The following S100PBP variants were observed in gnomAD, a reference collection of about 807,000 sequenced individuals.
The protein encoded by S100PBP is S100P binding protein, also known as S100P-binding protein.
Under a neutral mutation model 39.9 loss-of-function variants are expected in S100PBP, and 15 were observed. The observed-to-expected ratio is 0.38, with a 90% CI of 0.25 to 0.58. The LOEUF (loss-of-function observed/expected upper bound fraction) is 0.58. Among genes scored for constraint, S100PBP ranks in the 20% least tolerant of loss-of-function variants. The pLI is 0.70. For missense variants in S100PBP, 504 were observed against 487.3 expected (o/e 1.03, Z -0.32); for synonymous variants, 178 against 180.3 (o/e 0.99, Z 0.10).
chr1:32,827,427 C>A (rs181196198), intron 3 of S100PBP, among the ~76,000 whole-genome samples: 5 of 152,202 alleles, frequency 3.3e-5, no homozygotes, highest in Admixed American at 6.5e-5. Context: ...TTTATCTAAC[C>A]TTTTTGAGCC....
intron 1 of S100PBP, among the ~76,000 whole-genome samples, chr1:32,824,623 TATG>T (rs1569839312): frequency 6.6e-6 from 1 of 151,360 alleles, no homozygotes; most frequent in Admixed American, 6.6e-5. Context: ...AGTGCAGCGA[TATG>T]ATGACTGCTC....
In S100PBP at chr1:32,826,927, CA is replaced by C; in HGVS notation, c.831del (p.Lys277AsnfsTer12). 2 of 1,558,762 alleles carry C rather than the reference CA, an allele frequency of 1.3e-6. No individual in the cohort carries two copies. The highest frequency in any genetic ancestry group is 1.7e-6 in the Non-Finnish European group (2 of 1,150,930). ...CTCTGGTTGTTTCCACCTCATCAAA[CA>C]AAGTAAGTATATTTTATTCAAGGTG... ...RSLVVSTSSN[K>X]QDVLNKDSGK... On this transcript the variant is annotated frameshift_variant and splice_region_variant, in exon 3 of 7. Transcript: ENST00000373475. LOFTEE classifies it high-confidence loss of function.
chr1:32,830,377 G>A (rs1403922431), intron 5 of S100PBP, among the ~76,000 whole-genome samples: 1 of 152,126 alleles, frequency 6.6e-6, no homozygotes, highest in African/African-American at 2.4e-5. Flanking sequence ...GAAAAATAAC[G>A]GAAGTGGATG....
At chr1:32,855,807 T>C (rs1166770887) in intron 6 of S100PBP, 117 bp from the exon 7 acceptor site, 1 of 588,070 alleles carries the variant, frequency 1.7e-6, no homozygotes. Flanking sequence ...ATAAAATTAA[T>C]ATCTGATTTC....
At chr1:32,829,341 G>C (rs1309657573) in intron 4 of S100PBP, among the ~76,000 whole-genome samples, 1 of 152,158 alleles carries the variant, frequency 6.6e-6, no homozygotes, top group Admixed American at 6.5e-5. Context: ...ACTCTAGAAA[G>C]CTATTTTCTG....
intron 1 of S100PBP, among the ~76,000 whole-genome samples, chr1:32,824,047 A>C (rs1041608982): frequency 1.3e-5 from 2 of 152,210 alleles, no homozygotes; most frequent in African/African-American, 4.8e-5. Flanking sequence ...AAATACAACA[A>C]ATTAGCCGGG....
At chr1:32,836,099 T>G (rs1038814904) in intron 5 of S100PBP, 2 of 152,102 alleles carry the variant, frequency 1.3e-5, no homozygotes, top group Admixed American at 1.3e-4. Flanking sequence ...GAGTTCTAAT[T>G]TTTCCCCATC....
At chr1:32,853,011 A>AC in intron 5 of S100PBP, 68 bp from the exon 6 acceptor site, 1 of 1,050,736 alleles carries the variant, frequency 9.5e-7, no homozygotes, top group South Asian at 1.3e-5. Flanking sequence ...CCCTGAAAAC[A>AC]CATACTTTGA....
intron 1 of S100PBP, among the ~76,000 whole-genome samples, chr1:32,819,061 TTC>T (rs1638914441): frequency 6.6e-6 from 1 of 152,008 alleles, no homozygotes. Context: ...GCAGTAGGTT[TTC>T]TGAGGTGAGA....
intron 5 of S100PBP, chr1:32,837,084 A>C (rs1249075099): frequency 2.0e-5 from 3 of 149,332 alleles, no homozygotes; most frequent in East Asian, 2.0e-4. Flanking sequence ...TAAAAAAAAA[A>C]CATACAAAAA....
chr1:32,851,306 G>GT (rs1640597189), intron 5 of S100PBP, among the ~76,000 whole-genome samples: 2 of 152,172 alleles, frequency 1.3e-5, no homozygotes, highest in Admixed American at 1.3e-4. Flanking sequence ...AAGCACAGTA[G>GT]ATAAGGTAAT....
chr1:32,854,592 C>T (rs1640750656), intron 6 of S100PBP, among the ~76,000 whole-genome samples: 1 of 152,158 alleles, frequency 6.6e-6, no homozygotes, highest in Admixed American at 6.6e-5. Flanking sequence ...TCCTAAATGG[C>T]CTCCCTGCTT....
intron 5 of S100PBP, chr1:32,835,824 G>A: frequency 6.6e-6 from 1 of 150,666 alleles, no homozygotes. Flanking sequence ...ATATTCCATT[G>A]TATATATACA....
At chr1:32,841,449 G>A (rs1272376159) in intron 5 of S100PBP, among the ~76,000 whole-genome samples, 1 of 151,950 alleles carries the variant, frequency 6.6e-6, no homozygotes, top group Non-Finnish European at 1.5e-5. Flanking sequence ...AATTTTATGG[G>A]TGGGAAGCAG....
chr1:32,853,001 C>T lies in S100PBP; in HGVS notation c.1025-78C>T, dbSNP rs1165362619. On this transcript the variant is annotated intron_variant, in intron 5 of 6. Transcript: ENST00000373475. ...TGAGAACAGTGCCTGTTTTCTCTTTCCCTGAAAACACATACTTTGACGTTG... is the reference window on the plus strand; with the variant it reads ...TGAGAACAGTGCCTGTTTTCTCTTTTCCTGAAAACACATACTTTGACGTTG... The T allele has an allele frequency of 3.1e-6, 3 of 956,904 alleles. No homozygotes were observed. In the African/African-American group the frequency reaches 4.9e-5, roughly 16 times the overall value. The allele number at this position is 956,904 out of a possible 1,614,324, so 59.3% of individuals were successfully genotyped here.
intron 1 of S100PBP, among the ~76,000 whole-genome samples, chr1:32,819,803 T>G (rs1321799677): frequency 1.3e-5 from 2 of 152,182 alleles, no homozygotes; most frequent in African/African-American, 4.8e-5. Context: ...ACTTTTAGGT[T>G]TAGAGTACTT....
rs538930586 is a variant in S100PBP at position 32,829,946 on chromosome 1, T to C, written c.921-18T>C. ...TCTAATGGGCTGTTTTTCTTTTTTCTGGTTTGCTTTATTCAAGGACTAATG... is the reference window on the plus strand; with the variant it reads ...TCTAATGGGCTGTTTTTCTTTTTTCCGGTTTGCTTTATTCAAGGACTAATG... On this transcript the variant is annotated intron_variant, in intron 4 of 6. Coordinates refer to ENST00000373475, the MANE Select transcript of S100PBP (RefSeq NM_022753.4). 20 of 1,582,804 alleles carry C rather than the reference T, an allele frequency of 1.3e-5. No homozygotes were observed. The East Asian group carries it at 3.6e-4, about 28-fold the overall frequency.
chr1:32,817,487 G>C, upstream of S100PBP: 1 of 608,522 alleles, frequency 1.6e-6, no homozygotes, highest in Non-Finnish European at 2.9e-6. Flanking sequence ...TGGGCGGTGC[G>C]GAGGGCGGGG....
chr1:32,817,164 G>C (rs200678617), upstream of S100PBP: 9 of 1,613,870 alleles, frequency 5.6e-6, no homozygotes, highest in Non-Finnish European at 7.6e-6. Context: ...CCCCAACGGC[G>C]CATTTCCAAC....
Sources: gnomAD v4.1 joint callset for allele counts (sites outside exome capture counted in the v4.1 genomes callset) on GRCh38, gnomAD v4.1.1 for gene constraint, MANE v1.5 for transcripts, NCBI Gene and HGNC (gene_info 2026-07-23, HGNC 2026-07-21) for gene names.